Variants in CFAP44 observed in about 807,000 individuals in gnomAD.
CFAP44 encodes cilia- and flagella-associated protein 44.
A neutral mutation model predicts 216.2 loss-of-function variants in CFAP44; 134 were observed. The observed-to-expected ratio is 0.62, with a 90% CI of 0.54 to 0.72. The LOEUF (loss-of-function observed/expected upper bound fraction) is 0.72, where lower values mean the gene tolerates loss of function less well. Ranked by LOEUF, CFAP44 falls within the 30% of genes least tolerant of loss-of-function variation. The pLI is 0.00. For missense variants in CFAP44, 2,035 were observed against 2,182.1 expected, an observed-to-expected ratio of 0.93 and a Z score of 1.34; for synonymous variants, 700 against 727.6, an observed-to-expected ratio of 0.96 and a Z score of 0.61.
At chr3:113,294,219 A>G in intron 34 of CFAP44, 1 of 316,574 alleles carries the variant, frequency 3.2e-6, no homozygotes. Flanking sequence ...TGTATTAAGT[A>G]CAATGTTAGG....
intron 15 of CFAP44, among the ~76,000 whole-genome samples, chr3:113,386,636 G>A (rs1466290672): frequency 6.6e-6 from 1 of 152,212 alleles, no homozygotes; most frequent in Non-Finnish European, 1.5e-5. Context: ...GGAGGAGGCA[G>A]AGCAAGATGG....
At chr3:113,365,253 T>C (rs956601971) in intron 19 of CFAP44, among the ~76,000 whole-genome samples, 4 of 152,158 alleles carry the variant, frequency 2.6e-5, no homozygotes, top group African/African-American at 9.7e-5. Context: ...ATACTCCAAA[T>C]TTTGCTATTA....
intron 18 of CFAP44, among the ~76,000 whole-genome samples, chr3:113,367,614 C>T (rs1932987896): frequency 6.6e-6 from 1 of 152,166 alleles, no homozygotes; most frequent in Admixed American, 6.5e-5. Context: ...GATAAAACCA[C>T]AAAGATGGGG....
intron 32 of CFAP44, among the ~76,000 whole-genome samples, chr3:113,301,346 GA>G: frequency 6.6e-6 from 1 of 152,082 alleles, no homozygotes; most frequent in South Asian, 2.1e-4. Context: ...ATAAAATTGG[GA>G]ATGGTGGCTA....
chr3:113,358,995 G>T, intron 21 of CFAP44, 120 bp from the exon 22 acceptor site: 2 of 1,203,946 alleles, frequency 1.7e-6, no homozygotes, highest in Non-Finnish European at 2.2e-6. Context: ...CATAAACTCT[G>T]TCCATTACAA....
Position 113,296,838 on chromosome 3 carries a change from C to A in CFAP44, c.5125G>T (p.Val1709Leu). The A allele has an allele frequency of 1.3e-6, 2 of 1,537,384 alleles. No individual in the cohort carries two copies. The highest frequency in any genetic ancestry group is 1.7e-6 in the Non-Finnish European group (2 of 1,146,938). The stretch of plus-strand genomic sequence containing the variant: ...GTTTGAAGGGCTTCTAGATTTACCA[C>A]ACGGCCAAACTTGCTGATCATGAGC... ...RQLMISKFGR[V>L]VNLEALQTLS... Residue 1709 changes from valine to leucine, a missense_variant, in exon 33 of 35, where the codon GTG (valine) becomes TTG (leucine). Around this residue, in one of 3 missense-constraint regions of CFAP44, gnomAD observed 1,883 missense variants for 2,023.7 expected, o/e 0.93. Transcript: ENST00000393845.
rs1424595570 is a variant in CFAP44, at chr3:113,373,447, T to C, written c.2408A>G (p.Asp803Gly). The C allele has an allele frequency of 6.2e-7, 1 of 1,605,664 alleles. No individual in the cohort carries two copies. Among genetic ancestry groups the C allele is most frequent in the African/African-American group, 1.3e-5 (1 of 74,714 alleles). Residue 803 changes from aspartate (D) to glycine (G), a missense_variant, in exon 18 of 35, where the codon GAT (aspartate) becomes GGT (glycine). Physicochemically the swap from Asp to Gly is moderately conservative, Grantham distance 94. Coordinates refer to ENST00000393845, the MANE Select transcript of CFAP44 (RefSeq NM_001164496.2). ...DEPIDVRYLA[D>G]TEDNPIQTIT... ...AGTTTGGATGGGATTGTCCTCTGTA[T>C]CCGCAAGATAACGGACATCAATAGG... is the stretch of plus-strand genomic sequence containing the variant.
chr3:113,371,304 G>A (rs2107323809), intron 18 of CFAP44, among the ~76,000 whole-genome samples: 1 of 152,288 alleles, frequency 6.6e-6, no homozygotes, highest in African/African-American at 2.4e-5. Context: ...AAAGCTGGAG[G>A]CATCACATTA....
intron 1 of CFAP44, among the ~76,000 whole-genome samples, chr3:113,441,215 G>A (rs1235979615): frequency 6.6e-6 from 1 of 152,232 alleles, no homozygotes; most frequent in African/African-American, 2.4e-5. Context: ...CTGCTGCCTG[G>A]CTGGCTTCCG....
chr3:113,336,998 C>A (rs1038779847), intron 24 of CFAP44, among the ~76,000 whole-genome samples: 5 of 151,284 alleles, frequency 3.3e-5, no homozygotes, highest in African/African-American at 1.2e-4. Flanking sequence ...AAATAAGATG[C>A]AAACAGATTA....
chr3:113,329,120 C>T (rs1950218772), intron 26 of CFAP44, among the ~76,000 whole-genome samples: 1 of 152,018 alleles, frequency 6.6e-6, no homozygotes, highest in South Asian at 2.1e-4. Flanking sequence ...TATATGTGGC[C>T]CTTTGCTCAA....
In CFAP44 at chr3:113,396,770, T is replaced by A. The variant is rs184220501; in HGVS notation, c.1570-43A>T. 447 of 1,568,996 alleles carry A rather than the reference T, an allele frequency of 2.8e-4. 4 individuals are homozygous for A. The African/African-American group carries it at 5.3e-3, about 19-fold the overall frequency. ...ATAAGGGACCTGAAACTAGTTAAAT[T>A]GAGAAAGTTGTACTATATAACAGAT... On this transcript the variant is annotated intron_variant, in intron 13 of 34. Coordinates refer to ENST00000393845, the MANE Select transcript of CFAP44 (RefSeq NM_001164496.2).
chr3:113,365,076 T>C (rs370562535), intron 19 of CFAP44, among the ~76,000 whole-genome samples: 2 of 152,172 alleles, frequency 1.3e-5, no homozygotes, highest in East Asian at 1.9e-4. Context: ...ACTGCAGCTG[T>C]AAATAAAAGG....
intron 30 of CFAP44, among the ~76,000 whole-genome samples, chr3:113,305,734 T>C (rs1331333743): frequency 2.0e-5 from 3 of 152,124 alleles, no homozygotes; most frequent in South Asian, 2.1e-4. Flanking sequence ...AAGGCAGAAA[T>C]TGGTGGTCTC....
rs1297339734 is a variant in CFAP44 at position 113,306,183 on chromosome 3, G to A, written c.4758+18C>T. The A allele has an allele frequency of 8.5e-6, 13 of 1,532,354 alleles. No homozygotes were observed. In the East Asian group the frequency reaches 2.7e-4, roughly 32 times the overall value. The allele number at this position is 1,532,354 out of a possible 1,614,324, so 94.9% of individuals were successfully genotyped here. A position where few individuals can be genotyped will look rare whatever the true frequency, so the allele number is the denominator to read the frequency against. On this transcript the variant is annotated intron_variant, in intron 30 of 34. Coordinates refer to ENST00000393845, the MANE Select transcript of CFAP44 (RefSeq NM_001164496.2). ...TGTAGCATTTTGAGAGGATAAATAA[G>A]TAAACAGATCACCATACTTTTTTTG...
chr3:113,420,701 T>C (rs564620162), intron 4 of CFAP44, among the ~76,000 whole-genome samples: 1 of 152,352 alleles, frequency 6.6e-6, no homozygotes, highest in Non-Finnish European at 1.5e-5. Flanking sequence ...TTTTCCTTGA[T>C]GTTGAAAGAC....
chr3:113,294,269 A>T, intron 34 of CFAP44: 1 of 267,262 alleles, frequency 3.7e-6, no homozygotes, highest in Non-Finnish European at 7.4e-6. Context: ...AAACCCACAC[A>T]AAGTGACAAG....
chr3:113,386,209 T>C (rs1033049151), intron 15 of CFAP44, among the ~76,000 whole-genome samples: 10 of 152,216 alleles, frequency 6.6e-5, no homozygotes, highest in Admixed American at 3.3e-4. Context: ...CTCATATAAA[T>C]AGAGCAATCC....
At chr3:113,425,701 G>A (rs1934941867) in intron 4 of CFAP44, among the ~76,000 whole-genome samples, 1 of 152,174 alleles carries the variant, frequency 6.6e-6, no homozygotes, top group South Asian at 2.1e-4. Flanking sequence ...CTCATGAACT[G>A]CAGCCTTTCC....
Sources: gnomAD v4.1 joint callset for allele counts (sites outside exome capture counted in the v4.1 genomes callset) on GRCh38, gnomAD v4.1.1 for gene constraint, gnomAD v4.1.1 regional missense constraint, MANE v1.5 for transcripts, NCBI Gene and HGNC (gene_info 2026-07-23, HGNC 2026-07-21) for gene names.